The following ADGRL4 variants were observed in gnomAD, a reference collection of about 807,000 sequenced individuals.
ADGRL4 encodes adhesion G protein-coupled receptor L4.
A neutral mutation model predicts 74.8 loss-of-function variants in ADGRL4; 90 were observed. The ratio of observed to expected loss-of-function variants is 1.20; its 90% CI spans 1.02 to 1.43. The LOEUF (loss-of-function observed/expected upper bound fraction) is 1.43. Ranked by LOEUF, ADGRL4 falls within the 40% of genes most tolerant of loss-of-function variation. The pLI is 0.00. For synonymous variants in ADGRL4, 311 were observed against 279.2 expected, an observed-to-expected ratio of 1.11 and a Z score of -1.14; for missense variants, 881 against 814.3, an observed-to-expected ratio of 1.08 and a Z score of -1.00.
chr1:78,898,242 T>A (rs1010127520), intron 12 of ADGRL4, among the ~76,000 whole-genome samples: 8 of 152,174 alleles, frequency 5.3e-5, no homozygotes, highest in African/African-American at 1.9e-4. Flanking sequence ...AAAGATACTA[T>A]CAGCACTATG....
intron 1 of ADGRL4, 60 bp downstream of exon 1, chr1:79,006,573 T>C: frequency 6.5e-7 from 1 of 1,529,020 alleles, no homozygotes; most frequent in Non-Finnish European, 8.8e-7. Context: ...AAAAATCCAG[T>C]CCCCTACAAG....
intron 12 of ADGRL4, among the ~76,000 whole-genome samples, chr1:78,907,877 TC>T (rs1362270743): frequency 6.6e-6 from 1 of 151,860 alleles, no homozygotes; most frequent in Non-Finnish European, 1.5e-5. Flanking sequence ...TATCCACACG[TC>T]CCCGTTTGCC....
Position 78,936,051 on chromosome 1 carries a change from G to C in ADGRL4, c.877+244C>G, listed in dbSNP as rs568855773. Among the ~76,000 whole-genome samples the C allele has an allele frequency of 4.4e-4, 14 of 31,858 alleles. 3 individuals carry two copies. The highest frequency in any genetic ancestry group is 9.4e-4 in the African/African-American group (11 of 11,704). 20.9% of individuals were successfully genotyped at this position (31,858 alleles called of 152,430 possible). On this transcript the variant is annotated intron_variant, in intron 7 of 14. Coordinates refer to ENST00000370742, the MANE Select transcript of ADGRL4 (RefSeq NM_022159.4). ...AGGCAGGAGAATGGCGTGAACCCGG[G>C]AGGCGGAGCTTGCAGTGAGCCGAGA... is the stretch of plus-strand genomic sequence containing the variant.
intron 7 of ADGRL4, among the ~76,000 whole-genome samples, chr1:78,933,995 G>T (rs1188255540): frequency 6.6e-6 from 1 of 152,074 alleles, no homozygotes; most frequent in Admixed American, 6.6e-5. Context: ...CGTGAAAATG[G>T]CCATACTGCC....
intron 12 of ADGRL4, among the ~76,000 whole-genome samples, chr1:78,911,008 A>G (rs1283005404): frequency 6.6e-6 from 1 of 151,898 alleles, no homozygotes; most frequent in Non-Finnish European, 1.5e-5. Context: ...AAGCTTAAAT[A>G]TTTGTTTGAA....
chr1:78,900,077 G>GA, intron 12 of ADGRL4, among the ~76,000 whole-genome samples: 1 of 152,236 alleles, frequency 6.6e-6, no homozygotes, highest in Admixed American at 6.5e-5. Flanking sequence ...TGGAGGTAGA[G>GA]AAATTTAAGC....
chr1:78,999,571 T>C (rs1650793358), intron 2 of ADGRL4, among the ~76,000 whole-genome samples: 1 of 151,990 alleles, frequency 6.6e-6, no homozygotes, highest in South Asian at 2.1e-4. Context: ...AGACTCCGTC[T>C]TAAATAAATA....
chr1:78,965,096 T>G (rs748575203), intron 2 of ADGRL4, among the ~76,000 whole-genome samples: 10 of 152,108 alleles, frequency 6.6e-5, no homozygotes, highest in Non-Finnish European at 1.3e-4. Context: ...AAATTCAAAA[T>G]ATAGAAATCC....
chr1:79,002,725 C>CCT (rs1305682936), intron 2 of ADGRL4, among the ~76,000 whole-genome samples: 1 of 151,860 alleles, frequency 6.6e-6, no homozygotes, highest in Non-Finnish European at 1.5e-5. Context: ...GACTATAAGG[C>CCT]CTCTGTTAAT....
chr1:78,992,055 T>A (rs150277356), intron 2 of ADGRL4, among the ~76,000 whole-genome samples: 1 of 152,212 alleles, frequency 6.6e-6, no homozygotes, highest in Non-Finnish European at 1.5e-5. Context: ...AGTCAGTCAC[T>A]GGGTTTTCTC....
chr1:78,975,265 A>G (rs180813504), intron 2 of ADGRL4, among the ~76,000 whole-genome samples: 3 of 152,248 alleles, frequency 2.0e-5, no homozygotes. Flanking sequence ...TCTGATGAAG[A>G]AAGTATTAAT....
chr1:78,934,324 T>G (rs1416393422), intron 7 of ADGRL4, among the ~76,000 whole-genome samples: 9 of 152,180 alleles, frequency 5.9e-5, no homozygotes, highest in Admixed American at 5.9e-4. Flanking sequence ...ATTCAATAAA[T>G]GGTGCTGGTA....
intron 2 of ADGRL4, among the ~76,000 whole-genome samples, chr1:78,979,716 C>T (rs1650362429): frequency 6.6e-6 from 1 of 151,768 alleles, no homozygotes; most frequent in South Asian, 2.1e-4. Flanking sequence ...TACTACTTAG[C>T]CATAAAAAAG....
At chr1:78,941,843 T>C (rs1032588075) in intron 3 of ADGRL4, among the ~76,000 whole-genome samples, 4 of 152,148 alleles carry the variant, frequency 2.6e-5, no homozygotes, top group Non-Finnish European at 4.4e-5. Flanking sequence ...TTAGAAGATC[T>C]AAATTCAAAT....
At chr1:78,975,524 T>C (rs936156275) in intron 2 of ADGRL4, among the ~76,000 whole-genome samples, 5 of 151,964 alleles carry the variant, frequency 3.3e-5, no homozygotes, top group Middle Eastern at 3.2e-3. Flanking sequence ...AGTTGACCCC[T>C]TATAATTATG....
At chr1:78,940,284 C>T (rs943194947) in intron 3 of ADGRL4, among the ~76,000 whole-genome samples, 1 of 152,214 alleles carries the variant, frequency 6.6e-6, no homozygotes, top group East Asian at 1.9e-4. Context: ...TATAGCAGAA[C>T]GTGTGATTGA....
chr1:78,903,383 A>C (rs1395106058), intron 12 of ADGRL4, among the ~76,000 whole-genome samples: 1 of 152,186 alleles, frequency 6.6e-6, no homozygotes, highest in Non-Finnish European at 1.5e-5. Context: ...CATTTTTCTT[A>C]CTTCTACAGT....
At chr1:78,925,399 C>G (rs151114125) in intron 8 of ADGRL4, among the ~76,000 whole-genome samples, 1 of 152,032 alleles carries the variant, frequency 6.6e-6, no homozygotes, top group East Asian at 1.9e-4. Flanking sequence ...AACATAAGCA[C>G]TATGTAATTA....
At chr1:78,925,015 T>A (rs1185092603) in intron 8 of ADGRL4, among the ~76,000 whole-genome samples, 1 of 152,046 alleles carries the variant, frequency 6.6e-6, no homozygotes. Context: ...AATGGTTTTA[T>A]TTTTTTATAA....
Sources: allele counts gnomAD v4.1 joint callset (sites outside exome capture counted in the v4.1 genomes callset), GRCh38; gene constraint gnomAD v4.1.1; transcripts MANE v1.5; gene names NCBI Gene and HGNC (gene_info 2026-07-23, HGNC 2026-07-21).